RP1L1: variants seen among roughly 807,000 people sequenced by gnomAD.
The protein encoded by RP1L1 is RP1 like 1.
In RP1L1, 27 loss-of-function variants were observed where a neutral mutation model predicts 15.7. The ratio of observed to expected loss-of-function variants is 1.72; its 90% CI spans 1.27 to 2.38. The LOEUF is 2.38. Among genes scored for constraint, RP1L1 ranks in the 30% most tolerant of loss-of-function variants. The pLI is 0.00. For missense variants in RP1L1, 4,798 were observed against 3,075.9 expected (o/e 1.56, Z -13.24); for synonymous variants, 1,813 against 1,276.7 (o/e 1.42, Z -8.96).
chr8:10,631,219 ACACAAACG>A (rs1798236802), intron 1 of RP1L1, among the ~76,000 whole-genome samples: 1 of 151,834 alleles, frequency 6.6e-6, no homozygotes, highest in South Asian at 2.1e-4. Context: ...ACACACACAC[ACACAAACG>A]CACACACGTA....
rs73541412 is a variant in RP1L1 at position 10,649,371 on chromosome 8, G to A, written c.-20+5527C>T. ...TTAGGAGGAAACACAGCACACGATA[G>A]CAAGCCTTCAACCTTCATTTGTGAA... is the stretch of plus-strand genomic sequence containing the variant. On this transcript the variant is annotated intron_variant, in intron 1 of 3. Transcript: ENST00000382483. Among the ~76,000 whole-genome samples, 755 of 152,320 alleles carry A rather than the reference G, an allele frequency of 5.0e-3. 9 individuals are homozygous for A. Among genetic ancestry groups the A allele is most frequent in the Middle Eastern group, 0.02 (6 of 294 alleles).
intron 1 of RP1L1, 61 bp from the exon 2 acceptor site, chr8:10,623,281 T>C: frequency 6.2e-6 from 8 of 1,291,218 alleles, no homozygotes; most frequent in South Asian, 1.5e-5. Flanking sequence ...ATTTCCTGTC[T>C]CTTCCCGTCT....
Position 10,612,629 on chromosome 8 carries a change from C to T in RP1L1, c.1469G>A (p.Gly490Glu), listed in dbSNP as rs578108515. Residue 490 changes from glycine (G) to glutamate (E), a missense_variant, in exon 4 of 4, where the codon GGG (glycine) becomes GAG (glutamate). By Grantham distance (98) the Gly-to-Glu change is moderately conservative. Coordinates refer to ENST00000382483, the MANE Select transcript of RP1L1 (RefSeq NM_178857.6). ...VDSASPSAQI[G>E]AERKAGGSLG... ...GCTCCCTCCAGCTTTCCGCTCAGCCCCTATCTGGGCAGAGGGGCTGGCACT... is the reference window on the plus strand; with the variant it reads ...GCTCCCTCCAGCTTTCCGCTCAGCCTCTATCTGGGCAGAGGGGCTGGCACT... 8.7e-6 allele frequency: 14 copies of T among 1,602,448 alleles called. No homozygotes were observed. The highest frequency in any genetic ancestry group is 4.4e-5 in the South Asian group (4 of 91,014).
In RP1L1 at chr8:10,608,445, G is replaced by T. The variant is rs1563120716; in HGVS notation, c.5653C>A (p.Pro1885Thr). 3 of 1,600,270 alleles carry T rather than the reference G, an allele frequency of 1.9e-6. No homozygotes were observed. Among genetic ancestry groups the T allele is most frequent in the South Asian group, 2.2e-5 (2 of 90,278 alleles). The part of the protein sequence containing the change: ...EAPEAEGEAQ[P>T]ESEDVETPEA... ...GGGGTCTCTACATCTTCTGACTCTG[G>T]CTGGGCCTCTCCTTCTGCCTCTGGG... Residue 1885 changes from proline to threonine, a missense_variant, in exon 4 of 4, where the codon CCA (proline) becomes ACA (threonine). Physicochemically the swap from Pro to Thr is conservative, Grantham distance 38. Transcript: ENST00000382483.
At chr8:10,625,287 A>AG (rs1798138758) in intron 1 of RP1L1, among the ~76,000 whole-genome samples, 1 of 152,288 alleles carries the variant, frequency 6.6e-6, no homozygotes, top group African/African-American at 2.4e-5. Flanking sequence ...CTCAGGAATC[A>AG]GGCCACCTAC....
chr8:10,617,394 A>C (rs1236722143), intron 2 of RP1L1, among the ~76,000 whole-genome samples: 2 of 129,044 alleles, frequency 1.5e-5, no homozygotes, highest in African/African-American at 6.0e-5. Context: ...GGGTATGCTC[A>C]TTAACAAAAA....
In RP1L1 at chr8:10,612,319, C is replaced by A. The variant is rs78127667; in HGVS notation, c.1779G>T (p.Thr593=). 7 of 1,613,116 alleles carry A rather than the reference C, an allele frequency of 4.3e-6. No individual in the cohort carries two copies. The East Asian group carries it at 1.3e-4, about 31-fold the overall frequency. ...TGGCCTGCTCGGTGCCCTGTCCTTG[C>A]GTCTCTGCCTGCAGGTCGTCACTCC... ...SLRSDDLQAE[T]QGQGTEQATG... is the part of the protein sequence containing the mutation. The change falls in exon 4 of 4, where the codon ACG becomes ACT. Residue 593 remains threonine, a synonymous_variant. Coordinates refer to ENST00000382483, the MANE Select transcript of RP1L1 (RefSeq NM_178857.6).
At chr8:10,646,088 G>A (rs974720498) in intron 1 of RP1L1, among the ~76,000 whole-genome samples, 6 of 152,170 alleles carry the variant, frequency 3.9e-5, no homozygotes, top group African/African-American at 7.2e-5. Flanking sequence ...CTAAGCTGGG[G>A]GGACAGGCAA....
Position 10,623,062 on chromosome 8 carries a change from G to A in RP1L1, c.140C>T (p.Ala47Val). 2 of 1,614,146 alleles carry A rather than the reference G, an allele frequency of 1.2e-6. No individual in the cohort carries two copies. Among genetic ancestry groups the A allele is most frequent in the Non-Finnish European group, 1.7e-6 (2 of 1,180,034 alleles). ...CTGGTGAACGGCCAGGCGGACCCCA[G>A]CAAACCGTGGATCCCCTCGCTTGAG... ...TFLKRGDPRF[A>V]GVRLAVHQRA... The change falls in exon 2 of 4, where the codon GCT becomes GTT. Residue 47 changes from alanine (A) to valine (V), a missense_variant. Physicochemically the swap from Ala to Val is moderately conservative, Grantham distance 64 (BLOSUM62 0). Coordinates refer to ENST00000382483, the MANE Select transcript of RP1L1 (RefSeq NM_178857.6).
Position 10,609,988 on chromosome 8 carries a change from C to G in RP1L1, c.4110G>C (p.Glu1370Asp), listed in dbSNP as rs1428711310. 3.7e-6 allele frequency: 6 copies of G among 1,609,570 alleles called. No homozygotes were observed. The highest frequency in any genetic ancestry group is 5.1e-6 in the Non-Finnish European group (6 of 1,177,374). ...CTTTAACTTCCTCTAACTGCACCCC[C>G]TCTTCTTGCAGCCCTTCTCCTCCTG... is the stretch of plus-strand genomic sequence containing the variant. ...EETGGEGLQE[E>D]GVQLEEVKEG... The change falls in exon 4 of 4, where the codon GAG becomes GAC. Residue 1370 changes from glutamate (E) to aspartate (D), a missense_variant. Glu to Asp is a conservative substitution (Grantham distance 45, BLOSUM62 2). Coordinates refer to ENST00000382483, the MANE Select transcript of RP1L1 (RefSeq NM_178857.6).
chr8:10,620,243 G>C (rs1173813175), intron 2 of RP1L1, among the ~76,000 whole-genome samples: 4 of 152,194 alleles, frequency 2.6e-5, no homozygotes, highest in Non-Finnish European at 5.9e-5. Flanking sequence ...TTGGATAGAA[G>C]TAAGCTGCAT....
chr8:10,617,546 CTTTTTTTTTTTT>C (rs777209714), intron 2 of RP1L1, among the ~76,000 whole-genome samples: 1 of 63,418 alleles, frequency 1.6e-5, no homozygotes, highest in Non-Finnish European at 2.7e-5. Flanking sequence ...GTTTCTTTTT[CTTTTTTTTTTTT>C]TTTTTTTTTT....
intron 1 of RP1L1, 87 bp from the exon 2 acceptor site, chr8:10,623,307 C>T: frequency 1.0e-6 from 1 of 988,050 alleles, no homozygotes; most frequent in Non-Finnish European, 1.5e-6. Context: ...GAGGTGCTTC[C>T]TGCCCACCCC....
At chr8:10,614,447 G>T (rs1797931445) in intron 3 of RP1L1, among the ~76,000 whole-genome samples, 1 of 152,118 alleles carries the variant, frequency 6.6e-6, no homozygotes, top group South Asian at 2.1e-4. Context: ...ATCACCTGAG[G>T]TCAGGAGTTC....
intron 1 of RP1L1, among the ~76,000 whole-genome samples, chr8:10,652,958 G>T (rs1016222091): frequency 6.6e-6 from 1 of 152,226 alleles, no homozygotes; most frequent in Admixed American, 6.5e-5. Context: ...TGACATCCCA[G>T]TGGGTGCCCA....
chr8:10,643,634 A>T (rs1429383135), intron 1 of RP1L1, among the ~76,000 whole-genome samples: 1 of 152,138 alleles, frequency 6.6e-6, no homozygotes, highest in African/African-American at 2.4e-5. Context: ...CAAGTAGCAA[A>T]GAGTCTGGGA....
rs528087976 is a variant in RP1L1, at chr8:10,608,902, C to A, written c.5196G>T (p.Pro1732=). The A allele has an allele frequency of 6.2e-7, 1 of 1,613,914 alleles. No individual in the cohort carries two copies. The part of the protein sequence containing the change: ...TVQGAEGGLG[P]GLSQGPGVDE... The stretch of plus-strand genomic sequence containing the variant: ...CCACTCCAGGCCCCTGGCTCAGCCC[C>A]GGCCCCAGCCCTCCCTCAGCTCCCT... The change falls in exon 4 of 4, where the codon CCG becomes CCT. Residue 1732 remains proline, a synonymous_variant. Coordinates refer to ENST00000382483, the MANE Select transcript of RP1L1 (RefSeq NM_178857.6).
chr8:10,614,704 G>T (rs1312229467), intron 3 of RP1L1, among the ~76,000 whole-genome samples: 1 of 142,296 alleles, frequency 7.0e-6, no homozygotes, highest in African/African-American at 2.6e-5. Context: ...AAGGAGGGAA[G>T]GAAGGAAGGA....
intron 3 of RP1L1, 86 bp downstream of exon 3, chr8:10,616,360 T>C (rs1469127488): frequency 1.9e-6 from 3 of 1,577,532 alleles, no homozygotes; most frequent in African/African-American, 1.3e-5. Flanking sequence ...GGAAGTTTCC[T>C]GAATTACCTG....
Sources: allele counts gnomAD v4.1 joint callset (sites outside exome capture counted in the v4.1 genomes callset), GRCh38; gene constraint gnomAD v4.1.1; transcripts MANE v1.5; gene names NCBI Gene and HGNC (gene_info 2026-07-23, HGNC 2026-07-21).